FIP1L1: variants seen among roughly 807,000 people sequenced by gnomAD.
FIP1L1 encodes the protein factor interacting with PAPOLA and CPSF1, also known as pre-mRNA 3'-end-processing factor FIP1.
In FIP1L1, 21 loss-of-function variants were observed where a neutral mutation model predicts 84.6. The observed-to-expected ratio is 0.25, with a 90% CI of 0.18 to 0.36. The LOEUF (loss-of-function observed/expected upper bound fraction) is 0.36. Ranked by LOEUF, FIP1L1 falls within the 10% of genes least tolerant of loss-of-function variation. The probability of loss-of-function intolerance (pLI) is 1.00; values close to 1 mark genes in which losing one functional copy is unlikely to be tolerated. For missense variants in FIP1L1, 526 were observed against 751.1 expected (o/e 0.70, Z 3.50); for synonymous variants, 263 against 242.3 (o/e 1.09, Z -0.80).
At chr4:53,379,320 T>C (rs547204034) in intron 3 of FIP1L1, 56 bp downstream of exon 3, 2 of 1,392,472 alleles carry the variant, frequency 1.4e-6, no homozygotes, top group African/African-American at 1.4e-5. Flanking sequence ...ACAATGGTTC[T>C]GTCAGTTGTC....
intron 15 of FIP1L1, among the ~76,000 whole-genome samples, chr4:53,450,130 T>C (rs1775791602): frequency 1.3e-5 from 2 of 152,160 alleles, no homozygotes; most frequent in African/African-American, 4.8e-5. Flanking sequence ...TGTGTTCTTA[T>C]ATTGGAGACT....
At chr4:53,447,154 A>G (rs548443875) in intron 15 of FIP1L1, among the ~76,000 whole-genome samples, 1 of 152,156 alleles carries the variant, frequency 6.6e-6, no homozygotes, top group South Asian at 2.1e-4. Flanking sequence ...AGTGGTCTCT[A>G]CAGCATTTCT....
intron 16 of FIP1L1, among the ~76,000 whole-genome samples, chr4:53,455,445 C>T (rs1560590592): frequency 2.6e-5 from 4 of 152,120 alleles, no homozygotes; most frequent in African/African-American, 4.8e-5. Context: ...CACTTGAAGG[C>T]GTAGAGGCCA....
chr4:53,432,274 T>G (rs1767029418), intron 13 of FIP1L1, among the ~76,000 whole-genome samples: 1 of 151,722 alleles, frequency 6.6e-6, no homozygotes, highest in Non-Finnish European at 1.5e-5. Context: ...GGCATACACC[T>G]GTAGTCCTGG....
At chr4:53,425,428 T>C (rs1399135416) in intron 11 of FIP1L1, among the ~76,000 whole-genome samples, 1 of 152,110 alleles carries the variant, frequency 6.6e-6, no homozygotes. Context: ...GGAAAATATC[T>C]TGTGTATGTT....
intron 11 of FIP1L1, among the ~76,000 whole-genome samples, chr4:53,420,215 A>AG (rs1560540786): frequency 1.4e-5 from 2 of 147,550 alleles, no homozygotes; most frequent in Admixed American, 1.3e-4. Flanking sequence ...AAAAAAAAAA[A>AG]AAAAAAAAAA....
At chr4:53,437,686 T>C (rs765300718) in intron 13 of FIP1L1, among the ~76,000 whole-genome samples, 6 of 151,646 alleles carry the variant, frequency 4.0e-5, no homozygotes, top group Non-Finnish European at 8.8e-5. Flanking sequence ...TTCTCATGCA[T>C]GTTCAAGGTA....
At chr4:53,409,912 GA>G (rs1756210748) in intron 10 of FIP1L1, among the ~76,000 whole-genome samples, 1 of 152,230 alleles carries the variant, frequency 6.6e-6, no homozygotes, top group South Asian at 2.1e-4. Flanking sequence ...CTTTGACTAG[GA>G]AAGGGAACTC....
intron 10 of FIP1L1, among the ~76,000 whole-genome samples, chr4:53,413,263 C>T (rs1446011056): frequency 1.3e-5 from 2 of 151,874 alleles, no homozygotes; most frequent in Non-Finnish European, 2.9e-5. Flanking sequence ...TTTTCAAAGG[C>T]ACTCTGATTC....
Position 53,425,055 on chromosome 4 carries a change from CAG to C in FIP1L1, c.924-816_924-815del, listed in dbSNP as rs1302278355. 4.6e-5 allele frequency among the ~76,000 whole-genome samples: 7 copies of C among 152,032 alleles called. No homozygotes were observed. The South Asian group carries it at 1.4e-3, about 31-fold the overall frequency. On this transcript the variant is annotated intron_variant, in intron 11 of 17. Transcript: ENST00000337488. ...TTTTGCTTCTATAAAGTTTTAAAGG[CAG>C]TATTGTTCAGAACTGAAATATAGAT...
intron 16 of FIP1L1, among the ~76,000 whole-genome samples, chr4:53,456,615 C>G (rs1007223620): frequency 1.3e-5 from 2 of 152,078 alleles, no homozygotes; most frequent in African/African-American, 2.4e-5. Context: ...AAATTACAGG[C>G]CAGTTTCAAC....
intron 13 of FIP1L1, among the ~76,000 whole-genome samples, chr4:53,440,091 A>G (rs1285625389): frequency 6.6e-6 from 1 of 152,132 alleles, no homozygotes; most frequent in Non-Finnish European, 1.5e-5. Context: ...ACTTCTGCCA[A>G]CAATACTAGA....
chr4:53,392,251 T>G (rs1208498216), intron 9 of FIP1L1, among the ~76,000 whole-genome samples: 1 of 152,180 alleles, frequency 6.6e-6, no homozygotes, highest in Non-Finnish European at 1.5e-5. Flanking sequence ...GGGATGAAGA[T>G]TGGGAGTGGC....
intron 10 of FIP1L1, among the ~76,000 whole-genome samples, chr4:53,405,994 C>G (rs528763190): frequency 9.2e-5 from 14 of 151,960 alleles, no homozygotes; most frequent in Middle Eastern, 3.4e-3. Context: ...ATTGAATACC[C>G]TTTATTTCCT....
intron 16 of FIP1L1, among the ~76,000 whole-genome samples, chr4:53,457,906 T>C (rs1047401311): frequency 6.6e-6 from 1 of 152,154 alleles, no homozygotes; most frequent in Non-Finnish European, 1.5e-5. Flanking sequence ...CCTCTAACTC[T>C]AGCCATTAGT....
At chr4:53,402,706 A>G (rs1750937355) in intron 10 of FIP1L1, among the ~76,000 whole-genome samples, 1 of 152,208 alleles carries the variant, frequency 6.6e-6, no homozygotes, top group Admixed American at 6.5e-5. Context: ...TGTCTAAAAA[A>G]TAATAATAAT....
chr4:53,389,207 A>G (rs1742814366), intron 5 of FIP1L1, among the ~76,000 whole-genome samples: 1 of 152,348 alleles, frequency 6.6e-6, no homozygotes, highest in East Asian at 1.9e-4. Context: ...TACTCCATGA[A>G]TAGTTGAAAA....
At chr4:53,410,762 A>G (rs959508927) in intron 10 of FIP1L1, among the ~76,000 whole-genome samples, 2 of 152,206 alleles carry the variant, frequency 1.3e-5, no homozygotes, top group African/African-American at 2.4e-5. Context: ...AAAAACCGCA[A>G]TTACTTTTGC....
intron 13 of FIP1L1, among the ~76,000 whole-genome samples, chr4:53,438,648 C>T (rs370936569): frequency 1.6e-4 from 24 of 152,080 alleles, no homozygotes; most frequent in African/African-American, 5.3e-4. Context: ...TCTTTAATTC[C>T]AGTAGATTAT....
Sources: allele counts gnomAD v4.1 joint callset (sites outside exome capture counted in the v4.1 genomes callset), GRCh38; gene constraint gnomAD v4.1.1; transcripts MANE v1.5; gene names NCBI Gene and HGNC (gene_info 2026-07-23, HGNC 2026-07-21).